The following IL34 variants were observed in gnomAD, a reference collection of about 807,000 sequenced individuals.
IL34 encodes the protein interleukin 34, also known as interleukin-34.
A neutral mutation model predicts 25.3 loss-of-function variants in IL34; 17 were observed. The observed-to-expected ratio is 0.67, with a 90% CI of 0.46 to 1.01. The LOEUF (loss-of-function observed/expected upper bound fraction) is 1.01. IL34 is among the 50% of genes least tolerant of loss of function. The probability of loss-of-function intolerance (pLI) is 0.00; values close to 1 mark genes in which losing one functional copy is unlikely to be tolerated. For synonymous variants in IL34, 174 were observed against 140.9 expected (o/e 1.23, Z -1.66); for missense variants, 368 against 312.9 (o/e 1.18, Z -1.33).
intron 1 of IL34, among the ~76,000 whole-genome samples, chr16:70,589,451 T>C (rs980062439): frequency 9.2e-5 from 14 of 152,126 alleles, no homozygotes; most frequent in African/African-American, 3.1e-4. Context: ...CCCTGAGTTC[T>C]CATCATTTAG....
At position 70,599,595 on chromosome 16, in the gene IL34, G is replaced by A. The variant is rs1395894081; in HGVS notation, c.-401+19546G>A. 5.4e-5 allele frequency among the ~76,000 whole-genome samples: 8 copies of A among 149,468 alleles called. No homozygotes were observed. In the Admixed American group the frequency reaches 5.4e-4, roughly 10 times the overall value. ...GTTGGCCAGGTTGGTCTCAGGTCTC[G>A]AACTCCTGACCTTCAGGTGATCGCC... is the stretch of plus-strand genomic sequence containing the variant. On this transcript the variant is annotated intron_variant, in intron 1 of 6. Transcript: ENST00000429149.
At chr16:70,620,333 C>T (rs917147473) in intron 1 of IL34, among the ~76,000 whole-genome samples, 13 of 152,142 alleles carry the variant, frequency 8.5e-5, no homozygotes, top group Middle Eastern at 3.2e-3. Flanking sequence ...GAGCATTCAC[C>T]TTGACTATGC....
intron 1 of IL34, among the ~76,000 whole-genome samples, chr16:70,634,551 G>T (rs190756128): frequency 6.6e-6 from 1 of 151,952 alleles, no homozygotes; most frequent in African/African-American, 2.4e-5. Flanking sequence ...GTGGTGGCAC[G>T]TGCCTATAAT....
intron 1 of IL34, among the ~76,000 whole-genome samples, chr16:70,651,614 T>A (rs916606927): frequency 2.0e-5 from 3 of 151,420 alleles, no homozygotes; most frequent in Non-Finnish European, 4.4e-5. Context: ...AGTGGGGAGG[T>A]AGCAAATGGG....
chr16:70,628,865 A>G (rs868187439), intron 1 of IL34, among the ~76,000 whole-genome samples: 3 of 146,780 alleles, frequency 2.0e-5, no homozygotes, highest in Non-Finnish European at 4.4e-5. Context: ...ACAGCTCACT[A>G]TAGCTTCGAA....
chr16:70,652,574 A>G (rs1296682078), intron 1 of IL34, among the ~76,000 whole-genome samples: 1 of 152,236 alleles, frequency 6.6e-6, no homozygotes, highest in African/African-American at 2.4e-5. Context: ...TTGTTCTCAT[A>G]GCACAGCCAC....
chr16:70,647,417 TC>T (rs34476705), intron 1 of IL34, among the ~76,000 whole-genome samples: 8,841 of 152,196 alleles, frequency 0.058, 701 homozygotes, highest in African/African-American at 0.18. Flanking sequence ...GGCAGCCTGT[TC>T]CCCTCCAACC....
intron 1 of IL34, among the ~76,000 whole-genome samples, chr16:70,608,222 G>T (rs189939710): frequency 6.7e-6 from 1 of 149,038 alleles, no homozygotes; most frequent in Non-Finnish European, 1.5e-5. Context: ...TCTGACTCCC[G>T]GGTTTAAGCC....
intron 1 of IL34, among the ~76,000 whole-genome samples, chr16:70,598,310 G>C (rs963360659): frequency 2.0e-5 from 3 of 152,248 alleles, no homozygotes; most frequent in East Asian, 1.9e-4. Flanking sequence ...GGAATGGTTG[G>C]TGTCCTGGCC....
intron 1 of IL34, among the ~76,000 whole-genome samples, chr16:70,624,750 G>A (rs570078497): frequency 2.2e-4 from 33 of 152,172 alleles, no homozygotes; most frequent in Non-Finnish European, 3.2e-4. Flanking sequence ...CAGACAGGGT[G>A]TGAGGAGGGG....
intron 1 of IL34, among the ~76,000 whole-genome samples, chr16:70,580,743 T>C (rs1021021446): frequency 3.4e-5 from 5 of 148,018 alleles, no homozygotes; most frequent in African/African-American, 1.3e-4. Context: ...ATCACACCAC[T>C]GCACTCCAGC....
In IL34 at chr16:70,625,118, G is replaced by T. The variant is rs529964841; in HGVS notation, c.-400-21430G>T. ...GGAACTACTGTTGAGTTTGTATTGG[G>T]GTCAAGCAGCATTGCAGAAGAAAAT... On this transcript the variant is annotated intron_variant, in intron 1 of 6. Coordinates refer to the IL34 transcript ENST00000429149. Among the ~76,000 whole-genome samples the T allele has an allele frequency of 1.3e-4, 20 of 152,096 alleles. No individual in the cohort carries two copies. The South Asian group carries it at 4.2e-3, about 32-fold the overall frequency.
chr16:70,640,896 C>T (rs983502843), intron 1 of IL34, among the ~76,000 whole-genome samples: 5 of 152,116 alleles, frequency 3.3e-5, no homozygotes, highest in Admixed American at 6.6e-5. Flanking sequence ...ATTTCTGTCC[C>T]TGGAGTTTTG....
chr16:70,584,346 G>T (rs1402174614), intron 1 of IL34, among the ~76,000 whole-genome samples: 1 of 152,184 alleles, frequency 6.6e-6, no homozygotes, highest in Non-Finnish European at 1.5e-5. Context: ...ATCCCAGCAC[G>T]CCTGGAAAAC....
Position 70,660,020 on chromosome 16 carries a change from T to G in IL34, c.562T>G (p.Trp188Gly). 6.2e-7 allele frequency: 1 copy of G among 1,600,668 alleles called. No individual in the cohort carries two copies. The highest frequency in any genetic ancestry group is 8.5e-7 in the Non-Finnish European group (1 of 1,175,764). ...SCCKQSSVLN[W>G]QDCEVPSPQS... The stretch of plus-strand genomic sequence containing the variant: ...AGGTAAACAAAGCTCCGTCCTAAAC[T>G]GGCAGGACTGTGAGGTGCCAAGTCC... The change falls in exon 6 of 6, where the codon TGG (tryptophan) becomes GGG (glycine). Residue 188 changes from tryptophan to glycine, a missense_variant. Coordinates refer to ENST00000288098, the MANE Select transcript of IL34 (RefSeq NM_001393494.1).
At chr16:70,630,059 GTTTGT>G (rs2051484606) in intron 1 of IL34, among the ~76,000 whole-genome samples, 1 of 152,044 alleles carries the variant, frequency 6.6e-6, no homozygotes, top group African/African-American at 2.4e-5. Flanking sequence ...ATCTCCATGA[GTTTGT>G]TTTAATTTTT....
intron 1 of IL34, among the ~76,000 whole-genome samples, chr16:70,597,648 T>C (rs750737619): frequency 6.6e-6 from 1 of 152,246 alleles, no homozygotes; most frequent in African/African-American, 2.4e-5. Flanking sequence ...AATGCAGCTG[T>C]TTAATTCCTA....
At chr16:70,654,447 A>G in intron 1 of IL34, 91 bp from the exon 2 acceptor site, 1 of 1,482,552 alleles carries the variant, frequency 6.7e-7, no homozygotes, top group East Asian at 2.3e-5. Flanking sequence ...TCCTATGCAA[A>G]TGGATGATGG....
chr16:70,637,816 A>G (rs1323521442), intron 1 of IL34, among the ~76,000 whole-genome samples: 1 of 152,166 alleles, frequency 6.6e-6, no homozygotes, highest in Admixed American at 6.5e-5. Flanking sequence ...TAGTTGCTGC[A>G]AGGATAAAAA....
Sources: allele counts gnomAD v4.1 joint callset (sites outside exome capture counted in the v4.1 genomes callset), GRCh38; gene constraint gnomAD v4.1.1; transcripts MANE v1.5; gene names NCBI Gene and HGNC (gene_info 2026-07-23, HGNC 2026-07-21).